The following FGF12 variants were observed in gnomAD, a reference collection of about 807,000 sequenced individuals.
FGF12 encodes fibroblast growth factor 12B.
In FGF12, 14 loss-of-function variants were observed where a neutral mutation model predicts 23.6. The observed-to-expected ratio is 0.59, with a 90% confidence interval of 0.39 to 0.93. The LOEUF is 0.93. FGF12 is among the 40% of genes least tolerant of loss of function. FGF12 has a pLI of 0.00. For missense variants in FGF12, 175 were observed against 217.8 expected (o/e 0.80, Z 1.24); for synonymous variants, 62 against 77.3 (o/e 0.80, Z 1.04).
At chr3:192,584,106 C>T (rs746570951) in intron 2 of FGF12, among the ~76,000 whole-genome samples, 4 of 152,184 alleles carry the variant, frequency 2.6e-5, no homozygotes, top group Non-Finnish European at 5.9e-5. Flanking sequence ...CCTTCATTTC[C>T]TCTGATATTG....
chr3:192,548,625 T>G (rs76642742), intron 2 of FGF12, among the ~76,000 whole-genome samples: 1 of 152,266 alleles, frequency 6.6e-6, no homozygotes, highest in Admixed American at 6.5e-5. Flanking sequence ...TTAATCAAGG[T>G]ATGTATTAGC....
intron 2 of FGF12, among the ~76,000 whole-genome samples, chr3:192,469,948 A>G (rs1178950344): frequency 1.3e-5 from 2 of 152,256 alleles, no homozygotes; most frequent in Non-Finnish European, 2.9e-5. Flanking sequence ...TTTGGCACAT[A>G]TCAGATTCTG....
At chr3:192,261,518 T>C (rs1712750685) in intron 4 of FGF12, among the ~76,000 whole-genome samples, 1 of 152,180 alleles carries the variant, frequency 6.6e-6, no homozygotes, top group Non-Finnish European at 1.5e-5. Flanking sequence ...TTGGACTCCA[T>C]TCTAATTACT....
intron 4 of FGF12, among the ~76,000 whole-genome samples, chr3:192,184,285 A>G (rs945112740): frequency 6.6e-6 from 1 of 152,152 alleles, no homozygotes; most frequent in Non-Finnish European, 1.5e-5. Flanking sequence ...CAAATGACTG[A>G]CCAATGTGCT....
chr3:192,143,554 A>C lies in FGF12; in HGVS notation c.*455T>G, dbSNP rs895241994. 6.5e-6 allele frequency: 1 copy of C among 152,884 alleles called. No homozygotes were observed. The highest frequency in any genetic ancestry group is 2.4e-5 in the African/African-American group (1 of 41,472). 9.5% of individuals were successfully genotyped at this position (152,884 alleles called of 1,614,324 possible). The stretch of plus-strand genomic sequence containing the variant: ...GTGTCAATTCCAGATGCCCAAATAA[A>C]ATACAAAATCAAGCAAAACCACACA... On this transcript the variant is annotated 3_prime_UTR_variant, in exon 6 of 6. Transcript: ENST00000445105.
chr3:192,499,732 C>T (rs1304127527), intron 2 of FGF12, among the ~76,000 whole-genome samples: 1 of 150,494 alleles, frequency 6.6e-6, no homozygotes, highest in African/African-American at 2.4e-5. Flanking sequence ...GGAGTTTCTA[C>T]TAAAAATGTT....
chr3:192,501,439 G>A (rs968788113), intron 2 of FGF12, among the ~76,000 whole-genome samples: 1 of 152,026 alleles, frequency 6.6e-6, no homozygotes, highest in Non-Finnish European at 1.5e-5. Flanking sequence ...ATTCCTTCCT[G>A]TGCCTTCCCA....
chr3:192,314,079 C>T (rs1286665999), intron 4 of FGF12, among the ~76,000 whole-genome samples: 1 of 152,042 alleles, frequency 6.6e-6, no homozygotes, highest in African/African-American at 2.4e-5. Context: ...AGAAGATGGC[C>T]AAGTGCAAAC....
chr3:192,609,623 C>G (rs1222550560), intron 2 of FGF12, among the ~76,000 whole-genome samples: 1 of 152,004 alleles, frequency 6.6e-6, no homozygotes. Context: ...AGGAAAGACA[C>G]AGTTACCGTG....
At chr3:192,422,705 G>A (rs993641126) in intron 2 of FGF12, among the ~76,000 whole-genome samples, 2 of 152,068 alleles carry the variant, frequency 1.3e-5, no homozygotes, top group Non-Finnish European at 2.9e-5. Context: ...TTGTCAACAC[G>A]TAAACAGAGG....
intron 4 of FGF12, among the ~76,000 whole-genome samples, chr3:192,290,576 G>A (rs1239497479): frequency 2.0e-5 from 3 of 152,074 alleles, no homozygotes; most frequent in Admixed American, 6.6e-5. Context: ...TCATACATGC[G>A]AAACACCTAG....
chr3:192,369,594 A>G (rs1037014520), intron 2 of FGF12, among the ~76,000 whole-genome samples: 2 of 152,232 alleles, frequency 1.3e-5, no homozygotes, highest in Non-Finnish European at 2.9e-5. Context: ...TGAAATGCCA[A>G]TAGGGACAAG....
chr3:192,684,806 T>G (rs1717671513), intron 2 of FGF12, among the ~76,000 whole-genome samples: 1 of 152,194 alleles, frequency 6.6e-6, no homozygotes, highest in South Asian at 2.1e-4. Flanking sequence ...CAAAGTTCAT[T>G]CATATCATAG....
In FGF12 at chr3:192,196,101, A is replaced by G. The variant is rs368641910; in HGVS notation, c.229-25445T>C. Among the ~76,000 whole-genome samples, 68 of 152,244 alleles carry G rather than the reference A, an allele frequency of 4.5e-4. No homozygotes were observed. The East Asian group carries it at 6.0e-3, about 13-fold the overall frequency. ...AGTTTATAGATTCTACATGAGTGCG[A>G]TAATGTGGTATTTGTTTTTCTGTGT... is the stretch of plus-strand genomic sequence containing the variant. On this transcript the variant is annotated intron_variant, in intron 4 of 5. Coordinates refer to ENST00000445105, the MANE Select transcript of FGF12 (RefSeq NM_004113.6).
At chr3:192,175,298 G>C (rs187550182) in intron 4 of FGF12, among the ~76,000 whole-genome samples, 3 of 152,078 alleles carry the variant, frequency 2.0e-5, no homozygotes, top group Non-Finnish European at 1.5e-5. Context: ...TGTTTCTTTC[G>C]TAAGACTAAC....
chr3:192,602,894 C>A (rs964570644), intron 2 of FGF12, among the ~76,000 whole-genome samples: 1 of 152,034 alleles, frequency 6.6e-6, no homozygotes, highest in Non-Finnish European at 1.5e-5. Flanking sequence ...ATATGAAAAT[C>A]AATAAATGTG....
intron 5 of FGF12, among the ~76,000 whole-genome samples, chr3:192,159,244 C>G (rs1402078657): frequency 6.6e-6 from 1 of 152,212 alleles, no homozygotes; most frequent in Non-Finnish European, 1.5e-5. Flanking sequence ...TGTCAAGTCA[C>G]TACTGACCAC....
chr3:192,702,838 T>C (rs1718345684), intron 2 of FGF12, among the ~76,000 whole-genome samples: 1 of 152,108 alleles, frequency 6.6e-6, no homozygotes, highest in African/African-American at 2.4e-5. Flanking sequence ...GTCTAAGTCA[T>C]TTTAGGCAAA....
intron 2 of FGF12, among the ~76,000 whole-genome samples, chr3:192,646,516 G>A (rs1341325100): frequency 1.3e-5 from 2 of 152,140 alleles, no homozygotes; most frequent in African/African-American, 2.4e-5. Context: ...AGCCATATAA[G>A]AGAATACTGT....
Sources: gnomAD v4.1 joint callset for allele counts (sites outside exome capture counted in the v4.1 genomes callset) on GRCh38, gnomAD v4.1.1 for gene constraint, MANE v1.5 for transcripts, NCBI Gene and HGNC (gene_info 2026-07-23, HGNC 2026-07-21) for gene names.